VPS41: variants seen among roughly 807,000 people sequenced by gnomAD.
VPS41 encodes VPS41 subunit of HOPS complex.
A neutral mutation model predicts 130.9 loss-of-function variants in VPS41; 85 were observed. The observed-to-expected ratio is 0.65, with a 90% CI of 0.55 to 0.78. The LOEUF (loss-of-function observed/expected upper bound fraction) is 0.78, where lower values mean the gene tolerates loss of function less well. VPS41 is among the 30% of genes least tolerant of loss of function. The pLI, the probability that VPS41 is intolerant of heterozygous loss-of-function variation, is 0.00. For synonymous variants in VPS41, 335 were observed against 332.9 expected (o/e 1.01, Z -0.07); for missense variants, 874 against 1,018.7 (o/e 0.86, Z 1.93).
In VPS41 at chr7:38,726,398, A is replaced by C; in HGVS notation, c.2485-72T>G. The stretch of plus-strand genomic sequence containing the variant: ...TTCTACTCTCATATTCAGAAACACT[A>C]AGGTAGCGTTAGTCAGGGGGTGGAG... On this transcript the variant is annotated intron_variant, in intron 28 of 28. Transcript: ENST00000310301. The C allele has an allele frequency of 2.5e-6, 3 of 1,212,630 alleles. No individual in the cohort carries two copies. The South Asian group carries it at 3.8e-5, about 15-fold the overall frequency. 75.1% of individuals were successfully genotyped at this position (1,212,630 alleles called of 1,614,324 possible).
At chr7:38,747,442 TG>T (rs1796009750) in intron 22 of VPS41, among the ~76,000 whole-genome samples, 1 of 152,252 alleles carries the variant, frequency 6.6e-6, no homozygotes, top group Admixed American at 6.5e-5. Context: ...GTCTGACTAA[TG>T]ATAAGCATTT....
Position 38,821,212 on chromosome 7 carries a change from A to C in VPS41, c.375T>G (p.Cys125Trp). ...CTTGCTGAATACTTACTTTAATGGG[A>C]CAGTCAAAAGTCTCGTGAAATTCTT... ...SGEEFHETFD[C>W]PIKIIAVHPH... Residue 125 changes from cysteine (C) to tryptophan (W), a missense_variant, in exon 6 of 29, where the codon TGT (cysteine) becomes TGG (tryptophan). By Grantham distance (215) the Cys-to-Trp change is radical. Transcript: ENST00000310301. The C allele has an allele frequency of 2.5e-6, 4 of 1,613,602 alleles. No individual in the cohort carries two copies. The African/African-American group carries it at 4.0e-5, about 16-fold the overall frequency.
At position 38,821,183 on chromosome 7, in the gene VPS41, A is replaced by G. The variant is rs777451650; in HGVS notation, c.384+20T>C. The G allele has an allele frequency of 1.7e-5, 27 of 1,605,588 alleles. No homozygotes were observed. The South Asian group carries it at 2.9e-4, about 17-fold the overall frequency. Reference sequence around the variant, plus strand: ...ACTTGAGAAAACCCTTAGAAAAAGTAAAACTTGCTGAATACTTACTTTAAT... The same window carrying G: ...ACTTGAGAAAACCCTTAGAAAAAGTGAAACTTGCTGAATACTTACTTTAAT... On this transcript the variant is annotated intron_variant, in intron 6 of 28. Transcript: ENST00000310301.
At chr7:38,820,717 A>C (rs528973923) in intron 6 of VPS41, among the ~76,000 whole-genome samples, 128 of 152,326 alleles carry the variant, frequency 8.4e-4, no homozygotes, top group African/African-American at 2.9e-3. Context: ...TCCTGAACAC[A>C]AGGTGAACTT....
chr7:38,908,823 C>T (rs542143756), intron 1 of VPS41, among the ~76,000 whole-genome samples: 1 of 152,234 alleles, frequency 6.6e-6, no homozygotes, highest in African/African-American at 2.4e-5. Flanking sequence ...CCCGGCCTCT[C>T]TTCCTCCTCC....
intron 7 of VPS41, 57 bp from the exon 8 acceptor site, chr7:38,796,921 TC>T: frequency 6.2e-7 from 1 of 1,605,220 alleles, no homozygotes; most frequent in Non-Finnish European, 8.5e-7. Context: ...TGTATCAGGT[TC>T]TTTACTTACT....
At chr7:38,767,496 C>T (rs1448333851) in intron 15 of VPS41, 41 bp downstream of exon 15, 2 of 1,448,432 alleles carry the variant, frequency 1.4e-6, no homozygotes, top group Non-Finnish European at 1.9e-6. Context: ...ATGCTCAATT[C>T]TATTTATATT....
At chr7:38,878,484 C>T (rs765419140) in intron 2 of VPS41, among the ~76,000 whole-genome samples, 10 of 152,054 alleles carry the variant, frequency 6.6e-5, no homozygotes, top group Non-Finnish European at 1.2e-4. Context: ...CCAAACAGTA[C>T]ACCAAAAACA....
At chr7:38,768,237 G>A (rs544098988) in intron 14 of VPS41, among the ~76,000 whole-genome samples, 2 of 152,220 alleles carry the variant, frequency 1.3e-5, no homozygotes, top group South Asian at 2.1e-4. Flanking sequence ...CAGAGGCATG[G>A]GAGGACAGCT....
chr7:38,796,897 G>C (rs767453120), intron 7 of VPS41, 33 bp from the exon 8 acceptor site: 61 of 1,612,566 alleles, frequency 3.8e-5, no homozygotes, highest in Non-Finnish European at 1.6e-5. Flanking sequence ...AAGAATCTTA[G>C]AAACTGAAAA....
chr7:38,832,372 T>C (rs1785407138), intron 4 of VPS41, among the ~76,000 whole-genome samples: 1 of 145,518 alleles, frequency 6.9e-6, no homozygotes, highest in South Asian at 2.2e-4. Context: ...CAGGCTACAG[T>C]GCAGCGGCAC....
chr7:38,755,800 G>C (rs886284567), intron 19 of VPS41, among the ~76,000 whole-genome samples: 1 of 152,076 alleles, frequency 6.6e-6, no homozygotes, highest in South Asian at 2.1e-4. Flanking sequence ...ACAATGGAAG[G>C]GGGTGCATGA....
At chr7:38,847,683 T>C (rs1440642156) in intron 4 of VPS41, among the ~76,000 whole-genome samples, 4 of 152,088 alleles carry the variant, frequency 2.6e-5, no homozygotes. Context: ...TTTCTGAACA[T>C]CTCAGCAGGG....
intron 25 of VPS41, 87 bp from the exon 26 acceptor site, chr7:38,728,878 C>G: frequency 8.3e-7 from 1 of 1,205,326 alleles, no homozygotes; most frequent in Non-Finnish European, 1.2e-6. Flanking sequence ...ATTCCAAAAG[C>G]TGGCATGCTT....
At chr7:38,854,470 T>C (rs895306393) in intron 4 of VPS41, among the ~76,000 whole-genome samples, 1 of 152,198 alleles carries the variant, frequency 6.6e-6, no homozygotes, top group Non-Finnish European at 1.5e-5. Context: ...GGCCACATTA[T>C]GAATAAGCCC....
At chr7:38,728,843 G>A in intron 25 of VPS41, 52 bp from the exon 26 acceptor site, 1 of 1,507,454 alleles carries the variant, frequency 6.6e-7, no homozygotes, top group South Asian at 1.1e-5. Flanking sequence ...TCAAATCTGA[G>A]GGGTGAAGGG....
At chr7:38,766,026 AC>A (rs916535352) in intron 15 of VPS41, among the ~76,000 whole-genome samples, 2 of 152,150 alleles carry the variant, frequency 1.3e-5, no homozygotes, top group African/African-American at 2.4e-5. Flanking sequence ...AACTTGTCAT[AC>A]CCCAAAGTGC....
chr7:38,729,086 CTA>C (rs1202100500), intron 25 of VPS41, among the ~76,000 whole-genome samples: 1 of 152,164 alleles, frequency 6.6e-6, no homozygotes, highest in African/African-American at 2.4e-5. Context: ...AAAGAAGGCC[CTA>C]TATTAACTAA....
chr7:38,728,355 A>G, intron 27 of VPS41, 187 bp downstream of exon 27: 1 of 745,944 alleles, frequency 1.3e-6, no homozygotes, highest in Non-Finnish European at 2.4e-6. Flanking sequence ...GAGCTTGAGA[A>G]CCTCAGCTCT....
Sources: allele counts gnomAD v4.1 joint callset (sites outside exome capture counted in the v4.1 genomes callset), GRCh38; gene constraint gnomAD v4.1.1; transcripts MANE v1.5; gene names NCBI Gene and HGNC (gene_info 2026-07-23, HGNC 2026-07-21).